TOR1AIP1: variants seen among roughly 807,000 people sequenced by gnomAD.
TOR1AIP1 encodes torsin 1A interacting protein 1, also known as torsin-1A-interacting protein 1.
TOR1AIP1 carries 54 observed loss-of-function variants against 63.3 expected under a neutral mutation model. That is an observed-to-expected ratio of 0.85 (90% CI 0.69 to 1.07). TOR1AIP1 has a LOEUF of 1.07. TOR1AIP1 is among the 50% of genes least tolerant of loss of function. TOR1AIP1 has a pLI of 0.00. For synonymous variants in TOR1AIP1, 294 were observed against 273.5 expected (o/e 1.07, Z -0.74); for missense variants, 736 against 715.0 (o/e 1.03, Z -0.33).
chr1:179,899,476 G>A (rs1648381482), intron 3 of TOR1AIP1, among the ~76,000 whole-genome samples: 1 of 152,158 alleles, frequency 6.6e-6, no homozygotes, highest in African/African-American at 2.4e-5. Context: ...AGTTAGTGTA[G>A]TTGGTTTTTA....
intron 2 of TOR1AIP1, 65 bp from the exon 3 acceptor site, chr1:179,889,248 G>A: frequency 3.1e-6 from 4 of 1,279,314 alleles, no homozygotes; most frequent in Non-Finnish European, 4.4e-6. Context: ...GGATGATCAT[G>A]TAATAAAGCT....
intron 3 of TOR1AIP1, among the ~76,000 whole-genome samples, chr1:179,892,641 G>A (rs1178269631): frequency 6.6e-6 from 1 of 151,534 alleles, no homozygotes; most frequent in Non-Finnish European, 1.5e-5. Flanking sequence ...GGGAGGCTGA[G>A]GCAGGAGAAT....
At position 179,918,711 on chromosome 1, in the gene TOR1AIP1, A is replaced by G. The variant is rs1649100595; in HGVS notation, c.*472A>G. On this transcript the variant is annotated 3_prime_UTR_variant, in exon 10 of 10. Coordinates refer to ENST00000606911, the MANE Select transcript of TOR1AIP1 (RefSeq NM_015602.4). ...GAGTTCCTTAGCTTCTGCCTATAGG[A>G]ACATAAGTAATGAAAGGTCATCTAG... is the stretch of plus-strand genomic sequence containing the variant. 1 of 153,562 alleles carries G rather than the reference A, an allele frequency of 6.5e-6. No homozygotes were observed. Among genetic ancestry groups the G allele is most frequent in the South Asian group, 2.1e-4 (1 of 4,874 alleles). 9.5% of individuals were successfully genotyped at this position (153,562 alleles called of 1,614,324 possible).
rs1281135944 is a variant in TOR1AIP1 at position 179,900,167 on chromosome 1, G to A, written c.652G>A (p.Gly218Arg). 1.3e-6 allele frequency: 2 copies of A among 1,596,806 alleles called. No individual in the cohort carries two copies. The highest frequency in any genetic ancestry group is 2.2e-5 in the East Asian group (1 of 44,656). The change falls in exon 4 of 10, where the codon GGA (glycine) becomes AGA (arginine). Residue 218 changes from glycine to arginine, a missense_variant and splice_region_variant. By Grantham distance (125) the Gly-to-Arg change is moderately radical (BLOSUM62 -2). Coordinates refer to ENST00000606911, the MANE Select transcript of TOR1AIP1 (RefSeq NM_015602.4). ...ACAGAAGGTCAATTTCTCTGAAGAA[G>A]GTATTTTACTTGTAAATATCATATA... Reference protein sequence around the residue: ...VQQKVNFSEEGETEEDDQDSS... With the variant: ...VQQKVNFSEERETEEDDQDSS...
chr1:179,891,667 G>C (rs1432327679), intron 3 of TOR1AIP1, among the ~76,000 whole-genome samples: 1 of 152,036 alleles, frequency 6.6e-6, no homozygotes, highest in Non-Finnish European at 1.5e-5. Context: ...CCTGGTTCAA[G>C]TGATTCTCCT....
chr1:179,913,918 A>G (rs1648912369), intron 8 of TOR1AIP1, 80 bp from the exon 9 acceptor site: 1 of 1,314,558 alleles, frequency 7.6e-7, no homozygotes, highest in East Asian at 2.4e-5. Flanking sequence ...TGGAATTTGT[A>G]TCTTCTTTGT....
rs200495464 is a variant in TOR1AIP1, at chr1:179,900,153, A to G, written c.638A>G (p.Asn213Ser). 32 of 1,605,018 alleles carry G rather than the reference A, an allele frequency of 2.0e-5. No individual in the cohort carries two copies. Among genetic ancestry groups the G allele is most frequent in the Middle Eastern group, 2.2e-4 (1 of 4,510 alleles). The change falls in exon 4 of 10, where the codon AAT becomes AGT. Residue 213 changes from asparagine to serine, a missense_variant. Physicochemically the swap from Asn to Ser is conservative, Grantham distance 46. Around this residue, in one of 2 missense-constraint regions of TOR1AIP1, gnomAD observed 464 missense variants for 371.0 expected, o/e 1.25. Coordinates refer to ENST00000606911, the MANE Select transcript of TOR1AIP1 (RefSeq NM_015602.4). ...GCCACCAGTGTCCAACAGAAGGTCA[A>G]TTTCTCTGAAGAAGGTATTTTACTT... is the stretch of plus-strand genomic sequence containing the variant. ...YEATSVQQKV[N>S]FSEEGETEED...
At chr1:179,917,373 A>G (rs981555735) in intron 9 of TOR1AIP1, 79 bp from the exon 10 acceptor site, 1 of 1,175,164 alleles carries the variant, frequency 8.5e-7, no homozygotes, top group Non-Finnish European at 1.2e-6. Context: ...ATAAAGACTG[A>G]TATTGATTTT....
intron 3 of TOR1AIP1, among the ~76,000 whole-genome samples, chr1:179,889,582 A>G (rs1272288691): frequency 6.6e-6 from 1 of 152,186 alleles, no homozygotes; most frequent in Admixed American, 6.5e-5. Flanking sequence ...AGATTTACAG[A>G]AATTCATGGA....
rs765568814 is a variant in TOR1AIP1 at position 179,882,396 on chromosome 1, A to G, written c.-107A>G. On this transcript the variant is annotated 5_prime_UTR_variant, in exon 1 of 10. Transcript: ENST00000606911. ...GCGACTCGCAACTGCCTCCCTGACC[A>G]CAGCGGCCACCGCCCAACACCCCCG... The G allele has an allele frequency of 2.4e-4, 288 of 1,202,674 alleles. No homozygotes were observed. Among genetic ancestry groups the G allele is most frequent in the Non-Finnish European group, 3.0e-4 (273 of 916,222 alleles). The allele number at this position is 1,202,674 out of a possible 1,614,324, so 74.5% of individuals were successfully genotyped here.
intron 8 of TOR1AIP1, among the ~76,000 whole-genome samples, chr1:179,913,244 A>G (rs1571738094): frequency 6.6e-6 from 1 of 151,728 alleles, no homozygotes; most frequent in Non-Finnish European, 1.5e-5. Flanking sequence ...AATTACAGGC[A>G]TGAACCACTG....
At chr1:179,883,023 C>T in intron 1 of TOR1AIP1, 46 bp downstream of exon 1, 1 of 1,559,028 alleles carries the variant, frequency 6.4e-7, no homozygotes. Flanking sequence ...CCAGGGAACG[C>T]GCGGGGGCGG....
intron 6 of TOR1AIP1, among the ~76,000 whole-genome samples, chr1:179,904,958 T>G (rs1012268668): frequency 1.4e-4 from 21 of 152,366 alleles, no homozygotes; most frequent in African/African-American, 4.6e-4. Flanking sequence ...GTTTTTTTCT[T>G]TTGACATTTT....
Position 179,882,613 on chromosome 1 carries a change from C to G in TOR1AIP1, c.111C>G (p.Gly37=). Reference sequence around the variant, plus strand: ...GGGGCCGGCTCGCCCCTCAAAATGGCGGCAGCAGCGATGCGCCTGCGTACA... The same window carrying G: ...GGGGCCGGCTCGCCCCTCAAAATGGGGGCAGCAGCGATGCGCCTGCGTACA... ...EGRGRLAPQN[G]GSSDAPAYRT... The change falls in exon 1 of 10, where the codon GGC becomes GGG. Residue 37 remains glycine, a synonymous_variant. Transcript: ENST00000606911. The G allele has an allele frequency of 2.0e-6, 3 of 1,529,308 alleles. No individual in the cohort carries two copies. The highest frequency in any genetic ancestry group is 1.8e-6 in the Non-Finnish European group (2 of 1,141,214). 94.7% of individuals were successfully genotyped at this position (1,529,308 alleles called of 1,614,324 possible). A position where few individuals can be genotyped will look rare whatever the true frequency, so the allele number is the denominator to read the frequency against.
intron 3 of TOR1AIP1, among the ~76,000 whole-genome samples, chr1:179,898,442 A>G (rs17370777): frequency 0.052 from 7,902 of 152,320 alleles, 312 homozygotes; most frequent in Non-Finnish European, 0.068. Flanking sequence ...TGCTATGTGA[A>G]TAGTTACATA....
At chr1:179,883,063 C>T (rs1314490779) in intron 1 of TOR1AIP1, 86 bp downstream of exon 1, 31 of 1,237,018 alleles carry the variant, frequency 2.5e-5, no homozygotes, top group Middle Eastern at 2.1e-4. Flanking sequence ...TCATGCCCGC[C>T]TGGGTACTAA....
At chr1:179,912,049 C>A (rs928193674) in intron 8 of TOR1AIP1, among the ~76,000 whole-genome samples, 1 of 114,970 alleles carries the variant, frequency 8.7e-6, no homozygotes, top group Admixed American at 1.2e-4. Flanking sequence ...TTTTTTGAAA[C>A]GGTCTTGCTC....
chr1:179,908,470 A>G, intron 7 of TOR1AIP1, 135 bp from the exon 8 acceptor site: 1 of 695,226 alleles, frequency 1.4e-6, no homozygotes, highest in Non-Finnish European at 2.4e-6. Flanking sequence ...TCTTTTACTT[A>G]TAAAACTATT....
At chr1:179,907,956 G>A (rs1394317672) in intron 7 of TOR1AIP1, 92 bp downstream of exon 7, 45 of 821,130 alleles carry the variant, frequency 5.5e-5, no homozygotes, top group African/African-American at 1.5e-4. Flanking sequence ...TTGCTCTGTC[G>A]CCCAGGCTGG....
Sources: gnomAD v4.1 joint callset for allele counts (sites outside exome capture counted in the v4.1 genomes callset) on GRCh38, gnomAD v4.1.1 for gene constraint, gnomAD v4.1.1 regional missense constraint, MANE v1.5 for transcripts, NCBI Gene and HGNC (gene_info 2026-07-23, HGNC 2026-07-21) for gene names.